SOX6: variants seen among roughly 807,000 people sequenced by gnomAD.
The protein encoded by SOX6 is transcription factor SOX-6.
A neutral mutation model predicts 97.8 loss-of-function variants in SOX6; 11 were observed. The observed-to-expected ratio is 0.11, with a 90% CI of 0.07 to 0.19. The LOEUF (loss-of-function observed/expected upper bound fraction) is 0.19, where lower values mean the gene tolerates loss of function less well. Among genes scored for constraint, SOX6 ranks in the 10% least tolerant of loss-of-function variants. SOX6 has a pLI of 1.00. For synonymous variants in SOX6, 360 were observed against 371.4 expected, an observed-to-expected ratio of 0.97 and a Z score of 0.35; for missense variants, 810 against 1,039.5, an observed-to-expected ratio of 0.78 and a Z score of 3.04.
At chr11:16,194,805 A>G (rs780813299) in intron 4 of SOX6, among the ~76,000 whole-genome samples, 5 of 152,116 alleles carry the variant, frequency 3.3e-5, no homozygotes, top group Non-Finnish European at 5.9e-5. Context: ...TAGGCTCCCA[A>G]CCTCACAGCT....
At position 16,055,796 on chromosome 11, in the gene SOX6, T is replaced by A. The variant is rs1847799913; in HGVS notation, c.1207A>T (p.Ile403Leu). 6.2e-7 allele frequency: 1 copy of A among 1,613,662 alleles called. No homozygotes were observed. The highest frequency in any genetic ancestry group is 1.1e-5 in the South Asian group (1 of 91,088). The change falls in exon 10 of 16, where the codon ATA becomes TTA. Residue 403 changes from isoleucine (I) to leucine (L), a missense_variant. Transcript: ENST00000683767. ...CTGGTCCCTCTCTTTTCATTTTTTA[T>A]CCCAGTAGGTGAGACCGTCCCTGCT... ...NTAGTVSPTGIKNEKRGTSPV... is the reference protein window; with the variant it reads ...NTAGTVSPTGLKNEKRGTSPV...
intron 6 of SOX6, among the ~76,000 whole-genome samples, chr11:16,118,146 T>A (rs991482450): frequency 6.6e-6 from 1 of 152,180 alleles, no homozygotes; most frequent in Non-Finnish European, 1.5e-5. Flanking sequence ...GTAAGCACTA[T>A]CTGGCTGGGT....
At chr11:16,063,141 C>T (rs1250237833) in intron 9 of SOX6, among the ~76,000 whole-genome samples, 2 of 149,792 alleles carry the variant, frequency 1.3e-5, no homozygotes, top group African/African-American at 4.9e-5. Flanking sequence ...AAGATCTCAC[C>T]AATCCACAAA....
chr11:16,352,592 G>A (rs1856978628), intron 1 of SOX6, among the ~76,000 whole-genome samples: 1 of 152,064 alleles, frequency 6.6e-6, no homozygotes, highest in Non-Finnish European at 1.5e-5. Context: ...CAGGGCAGAT[G>A]CTATTAGAAT....
intron 1 of SOX6, among the ~76,000 whole-genome samples, chr11:16,447,163 C>T (rs1852104488): frequency 6.6e-6 from 1 of 151,896 alleles, no homozygotes; most frequent in Admixed American, 6.6e-5. Flanking sequence ...TTTTTATTTG[C>T]TTTGCAATAC....
intron 3 of SOX6, among the ~76,000 whole-genome samples, chr11:16,289,878 T>C (rs1854859752): frequency 6.6e-6 from 1 of 152,034 alleles, no homozygotes; most frequent in Admixed American, 6.6e-5. Flanking sequence ...AAGAAAAAAA[T>C]ACAGTGATGA....
chr11:16,061,303 CAA>C, intron 9 of SOX6, among the ~76,000 whole-genome samples: 1 of 121,336 alleles, frequency 8.2e-6, no homozygotes, highest in East Asian at 2.3e-4. Flanking sequence ...ACAATAGCTA[CAA>C]AAAAAAAAAA....
At chr11:16,420,185 G>A (rs1433611703) in intron 1 of SOX6, among the ~76,000 whole-genome samples, 1 of 152,126 alleles carries the variant, frequency 6.6e-6, no homozygotes, top group Non-Finnish European at 1.5e-5. Context: ...AGTATCCAGG[G>A]TAAATATAAA....
At chr11:16,149,917 A>C (rs558288607) in intron 6 of SOX6, among the ~76,000 whole-genome samples, 1 of 152,338 alleles carries the variant, frequency 6.6e-6, no homozygotes, top group Non-Finnish European at 1.5e-5. Context: ...CTTTTAGTCA[A>C]CCAACTGGTT....
At chr11:16,229,526 C>T (rs546017765) in intron 4 of SOX6, among the ~76,000 whole-genome samples, 2 of 151,692 alleles carry the variant, frequency 1.3e-5, no homozygotes, top group South Asian at 2.1e-4. Flanking sequence ...ATAGAAAAAC[C>T]ACTAGCAAGT....
intron 9 of SOX6, among the ~76,000 whole-genome samples, chr11:16,075,016 C>CA (rs1848318730): frequency 6.6e-6 from 1 of 151,934 alleles, no homozygotes; most frequent in Non-Finnish European, 1.5e-5. Context: ...GTAAACAAAA[C>CA]AAACAAACAA....
intron 4 of SOX6, among the ~76,000 whole-genome samples, chr11:16,513,791 C>T (rs1860917575): frequency 6.6e-6 from 1 of 152,136 alleles, no homozygotes; most frequent in Admixed American, 6.6e-5. Flanking sequence ...TACAGTAAAA[C>T]ACAATGCCGA....
chr11:16,373,792 G>A (rs1857557768), intron 1 of SOX6, among the ~76,000 whole-genome samples: 1 of 135,482 alleles, frequency 7.4e-6, no homozygotes, highest in South Asian at 2.5e-4. Flanking sequence ...ATGCTGAAAT[G>A]AAAAGAAAGG....
intron 1 of SOX6, among the ~76,000 whole-genome samples, chr11:16,401,050 G>A (rs1167610324): frequency 1.3e-5 from 2 of 151,398 alleles, no homozygotes; most frequent in Non-Finnish European, 3.0e-5. Context: ...AATGTGTATT[G>A]CATTTTTCAA....
At chr11:16,611,858 G>A (rs953261132) in intron 4 of SOX6, among the ~76,000 whole-genome samples, 2 of 152,164 alleles carry the variant, frequency 1.3e-5, no homozygotes, top group African/African-American at 4.8e-5. Flanking sequence ...CGACAGTAGC[G>A]GCAGAGCACC....
At chr11:16,119,256 T>G (rs891246299) in intron 6 of SOX6, among the ~76,000 whole-genome samples, 1 of 152,178 alleles carries the variant, frequency 6.6e-6, no homozygotes, top group Non-Finnish European at 1.5e-5. Context: ...CCACAGTACA[T>G]GGACTTATAG....
At position 16,640,654 on chromosome 11, in the gene SOX6, G is replaced by A. The variant is rs181751828; in HGVS notation, n.430-28394C>T. 1.1e-4 allele frequency among the ~76,000 whole-genome samples: 17 copies of A among 152,178 alleles called. No homozygotes were observed. The East Asian group carries it at 2.1e-3, about 19-fold the overall frequency. ...TTAGTCTTGGGAGGGCGTATGTGTC[G>A]AGGAATTTATCCATTTCTTCTAGAT... On this transcript the variant is annotated intron_variant and non_coding_transcript_variant, in intron 3 of 5. Coordinates refer to the SOX6 transcript ENST00000524520.
At chr11:16,574,945 C>T (rs1325114257) in intron 4 of SOX6, among the ~76,000 whole-genome samples, 1 of 151,424 alleles carries the variant, frequency 6.6e-6, no homozygotes, top group East Asian at 2.0e-4. Context: ...GAGGCTGAGG[C>T]AAGAGAATCG....
At chr11:16,060,121 C>G (rs530794927) in intron 9 of SOX6, among the ~76,000 whole-genome samples, 8 of 151,770 alleles carry the variant, frequency 5.3e-5, no homozygotes, top group Non-Finnish European at 1.2e-4. Flanking sequence ...GAAACTTGAA[C>G]TAGTGAAAAA....
Sources: allele counts gnomAD v4.1 joint callset (sites outside exome capture counted in the v4.1 genomes callset), GRCh38; gene constraint gnomAD v4.1.1; transcripts MANE v1.5; gene names NCBI Gene and HGNC (gene_info 2026-07-23, HGNC 2026-07-21).